The following MACF1 variants were observed in gnomAD, a reference collection of about 807,000 sequenced individuals.
The protein encoded by MACF1 is microtubule-actin cross-linking factor 1.
In MACF1, 193 loss-of-function variants were observed where a neutral mutation model predicts 854.8. The ratio of observed to expected loss-of-function variants is 0.23; its 90% CI spans 0.20 to 0.25. MACF1 has a LOEUF of 0.25. MACF1 is among the 10% of genes least tolerant of loss of function. The pLI is 1.00. For synonymous variants in MACF1, 3,185 were observed against 3,226.7 expected, an observed-to-expected ratio of 0.99 and a Z score of 0.44; for missense variants, 7,722 against 8,929.1, an observed-to-expected ratio of 0.86 and a Z score of 5.45.
intron 2 of MACF1, chr1:39,103,062 G>A (rs1642133381): frequency 1.5e-6 from 1 of 662,646 alleles, no homozygotes; most frequent in East Asian, 2.9e-5. Context: ...TGCAAATTTT[G>A]TCAAGAAAGC....
Position 39,198,503 on chromosome 1 carries a change from T to A in MACF1, c.221-32679T>A, listed in dbSNP as rs186005863. Among the ~76,000 whole-genome samples the A allele has an allele frequency of 5.1e-3, 778 of 151,778 alleles. 5 individuals are homozygous for A. The highest frequency in any genetic ancestry group is 8.1e-3 in the Non-Finnish European group (547 of 67,926). On this transcript the variant is annotated intron_variant, in intron 2 of 93. Coordinates refer to the MACF1 transcript ENST00000361689. ...CCGTCTCTACTAAAAATACAAAAAT[T>A]AGCCGGGTGTGGTGGTGTGTGCCTG...
At chr1:39,171,602 A>G (rs2148221740) in intron 2 of MACF1, among the ~76,000 whole-genome samples, 1 of 152,054 alleles carries the variant, frequency 6.6e-6, no homozygotes, top group East Asian at 1.9e-4. Flanking sequence ...CATTATAAGG[A>G]TTTTTTAAGT....
At chr1:39,136,066 C>T (rs931597665) in intron 2 of MACF1, among the ~76,000 whole-genome samples, 6 of 152,100 alleles carry the variant, frequency 3.9e-5, no homozygotes, top group African/African-American at 1.4e-4. Context: ...TACATATGTA[C>T]ACACACACAA....
chr1:39,127,023 G>C (rs997590048), intron 2 of MACF1, among the ~76,000 whole-genome samples: 7 of 152,028 alleles, frequency 4.6e-5, no homozygotes, highest in African/African-American at 1.7e-4. Flanking sequence ...CCTGAGGTTG[G>C]GAATTTGAGA....
chr1:39,352,605 C>A (rs917971956), intron 43 of MACF1, among the ~76,000 whole-genome samples: 1 of 152,180 alleles, frequency 6.6e-6, no homozygotes, highest in Non-Finnish European at 1.5e-5. Context: ...GCAACCTCCA[C>A]CTCCCAGGTT....
At chr1:39,085,704 A>G (rs986752564) in intron 2 of MACF1, among the ~76,000 whole-genome samples, 8 of 152,160 alleles carry the variant, frequency 5.3e-5, no homozygotes, top group Non-Finnish European at 7.3e-5. Flanking sequence ...ACCTAATTCT[A>G]TTACTCGGCT....
rs1416007025 is a variant in MACF1, at chr1:39,442,806, T to C, written c.19197T>C (p.Asp6399=). 1.9e-6 allele frequency: 3 copies of C among 1,613,966 alleles called. No homozygotes were observed. In the African/African-American group the frequency reaches 4.0e-5, roughly 22 times the overall value. The part of the protein sequence containing the change: ...NELLESSAGD[D]ASSLRSRLEA... Reference sequence around the variant, plus strand: ...TTCTTGAATCCAGTGCTGGAGATGATGCCAGCAGCTTAAGGAGCCGTTTGG... The same window carrying C: ...TTCTTGAATCCAGTGCTGGAGATGACGCCAGCAGCTTAAGGAGCCGTTTGG... The change falls in exon 78 of 101, where the codon GAT becomes GAC. Residue 6399 remains aspartate (D), a synonymous_variant. Coordinates refer to ENST00000564288, the MANE Select transcript of MACF1 (RefSeq NM_001394062.1).
intron 2 of MACF1, chr1:39,120,844 C>G (rs757740735): frequency 6.6e-6 from 1 of 152,170 alleles, no homozygotes; most frequent in Non-Finnish European, 1.5e-5. Flanking sequence ...AATCTAATTA[C>G]ACTCTAAGTT....
At chr1:39,268,861 C>G (rs1477100251) in intron 6 of MACF1, 1 of 1,289,650 alleles carries the variant, frequency 7.8e-7, no homozygotes, top group African/African-American at 1.5e-5. Context: ...TCAGAAGGAA[C>G]TGGAGTCATT....
At chr1:39,318,231 A>C (rs535040031) in intron 29 of MACF1, among the ~76,000 whole-genome samples, 5 of 152,270 alleles carry the variant, frequency 3.3e-5, no homozygotes, top group African/African-American at 1.2e-4. Context: ...GGCAGCATCC[A>C]GGGCTAGCAG....
intron 22 of MACF1, among the ~76,000 whole-genome samples, chr1:39,300,888 A>G (rs1646026056): frequency 6.6e-6 from 1 of 152,072 alleles, no homozygotes; most frequent in Non-Finnish European, 1.5e-5. Flanking sequence ...TTAGCCAGGT[A>G]CAGTGACTTG....
rs568046417 is a variant in MACF1, at chr1:39,143,824, G to T, written c.220+59386G>T. 1.9e-3 allele frequency among the ~76,000 whole-genome samples: 290 copies of T among 152,160 alleles called. 1 individual carries two copies. Among genetic ancestry groups the T allele is most frequent in the African/African-American group, 6.8e-3 (281 of 41,494 alleles). ...GAGTCTTGCTCTGTCGCCCAGGCTGGAGTGCAGTGGCGCGATCTTCACTCA... is the reference window on the plus strand; with the variant it reads ...GAGTCTTGCTCTGTCGCCCAGGCTGTAGTGCAGTGGCGCGATCTTCACTCA... On this transcript the variant is annotated intron_variant, in intron 2 of 93. Coordinates refer to the MACF1 transcript ENST00000361689.
intron 98 of MACF1, among the ~76,000 whole-genome samples, chr1:39,480,540 G>A (rs1158563386): frequency 6.6e-6 from 1 of 152,106 alleles, no homozygotes; most frequent in Non-Finnish European, 1.5e-5. Flanking sequence ...GAGGCAAGAG[G>A]ATTGCTTGAG....
At position 39,385,473 on chromosome 1, in the gene MACF1, G is replaced by A. The variant is rs1407261199; in HGVS notation, c.13888G>A (p.Glu4630Lys). ...KEFEARRQQHEQLNEAAQGIL... is the reference protein window; with the variant it reads ...KEFEARRQQHKQLNEAAQGIL... ...ATTTGAAGCACGCAGGCAACAGCATGAGCAACTGAATGAGGCAGCTCAGGG... is the reference window on the plus strand; with the variant it reads ...ATTTGAAGCACGCAGGCAACAGCATAAGCAACTGAATGAGGCAGCTCAGGG... Residue 4630 changes from glutamate to lysine, a missense_variant, in exon 57 of 101, where the codon GAG (glutamate) becomes AAG (lysine). By Grantham distance (56) the Glu-to-Lys change is moderately conservative (BLOSUM62 1). Transcript: ENST00000564288. The A allele has an allele frequency of 6.2e-7, 1 of 1,614,116 alleles. No homozygotes were observed. Among genetic ancestry groups the A allele is most frequent in the Non-Finnish European group, 8.5e-7 (1 of 1,180,018 alleles).
At chr1:39,223,095 G>C (rs1644673627) in intron 1 of MACF1, among the ~76,000 whole-genome samples, 1 of 152,218 alleles carries the variant, frequency 6.6e-6, no homozygotes, top group East Asian at 1.9e-4. Context: ...TGGAGGAGGG[G>C]ATAGTTGAGT....
intron 45 of MACF1, 40 bp downstream of exon 45, chr1:39,357,933 T>A: frequency 6.4e-7 from 1 of 1,566,644 alleles, no homozygotes; most frequent in Non-Finnish European, 8.6e-7. Flanking sequence ...GAAACAATCA[T>A]GGCAGCCTTC....
intron 26 of MACF1, among the ~76,000 whole-genome samples, chr1:39,312,784 C>A (rs113205233): frequency 3.7e-3 from 562 of 152,220 alleles, no homozygotes; most frequent in African/African-American, 0.012. Context: ...GAGATCACAC[C>A]ACTACACTCC....
intron 89 of MACF1, chr1:39,457,168 A>C (rs535974081): frequency 6.6e-6 from 1 of 152,430 alleles, no homozygotes; most frequent in African/African-American, 2.4e-5. Context: ...CCAGACATAC[A>C]GTAAACTAGA....
chr1:39,289,725 T>TTTTG (rs1645733985), intron 15 of MACF1, among the ~76,000 whole-genome samples: 1 of 132,146 alleles, frequency 7.6e-6, no homozygotes, highest in Non-Finnish European at 1.6e-5. Flanking sequence ...TTTTTTTTTT[T>TTTTG]GAGACAGAGT....
Sources: gnomAD v4.1 joint callset for allele counts (sites outside exome capture counted in the v4.1 genomes callset) on GRCh38, gnomAD v4.1.1 for gene constraint, MANE v1.5 for transcripts, NCBI Gene and HGNC (gene_info 2026-07-23, HGNC 2026-07-21) for gene names.